The following ADA variants were observed in gnomAD, a reference collection of about 807,000 sequenced individuals.
ADA encodes adenosine aminohydrolase.
In ADA, 45 loss-of-function variants were observed where a neutral mutation model predicts 49.0. The observed-to-expected ratio is 0.92, with a 90% CI of 0.72 to 1.18. The LOEUF (loss-of-function observed/expected upper bound fraction) is 1.18, where lower values mean the gene tolerates loss of function less well. ADA is among the 50% of genes most tolerant of loss of function. The pLI is 0.00. For synonymous variants in ADA, 173 were observed against 184.2 expected, an observed-to-expected ratio of 0.94 and a Z score of 0.49; for missense variants, 445 against 472.5, an observed-to-expected ratio of 0.94 and a Z score of 0.54.
intron 2 of ADA, among the ~76,000 whole-genome samples, chr20:44,633,193 C>T (rs756791903): frequency 3.3e-5 from 5 of 152,194 alleles, no homozygotes; most frequent in Admixed American, 1.3e-4. Context: ...CAGGCAGGAG[C>T]GCTCCCCTCT....
chr20:44,640,760 G>C (rs145460408), intron 1 of ADA, among the ~76,000 whole-genome samples: 1 of 151,982 alleles, frequency 6.6e-6, no homozygotes, highest in East Asian at 1.9e-4. Flanking sequence ...TTGGGCCCTA[G>C]ATGCAATCAC....
chr20:44,620,009 G>A (rs2065312649), intron 11 of ADA, among the ~76,000 whole-genome samples, 162 bp from the exon 12 acceptor site: 1 of 152,192 alleles, frequency 6.6e-6, no homozygotes, highest in Non-Finnish European at 1.5e-5. Context: ...ACAGGCCTGG[G>A]CCCCTCTCCC....
At chr20:44,638,313 C>T (rs1276949779) in intron 1 of ADA, among the ~76,000 whole-genome samples, 1 of 152,212 alleles carries the variant, frequency 6.6e-6, no homozygotes, top group Non-Finnish European at 1.5e-5. Flanking sequence ...TGGGGGCTCA[C>T]GCCTGTAATC....
intron 2 of ADA, among the ~76,000 whole-genome samples, chr20:44,633,773 T>C (rs2065454838): frequency 6.6e-6 from 1 of 152,114 alleles, no homozygotes; most frequent in Admixed American, 6.5e-5. Context: ...GAGAGGCCCC[T>C]GAAAAGGCCA....
chr20:44,629,162 C>T lies in ADA; in HGVS notation c.103G>A (p.Gly35Arg), dbSNP rs376909062. 6.2e-7 allele frequency: 1 copy of T among 1,614,214 alleles called. No homozygotes were observed. Among genetic ancestry groups the T allele is most frequent in the Admixed American group, 1.7e-5 (1 of 60,028 alleles). ...GCTGTGTTAGCTGGGAGGGCGATCC[C>T]TCTCCTCCTGGAAACAAAACAGTGA... ...ETILYYGRRR[G>R]IALPANTAEG... The change falls in exon 3 of 12, where the codon GGG becomes AGG. Residue 35 changes from glycine to arginine, a missense_variant. By Grantham distance (125) the Gly-to-Arg change is moderately radical (BLOSUM62 -2). Transcript: ENST00000372874.
intron 1 of ADA, among the ~76,000 whole-genome samples, chr20:44,648,520 G>A (rs965500495): frequency 1.3e-5 from 2 of 152,008 alleles, no homozygotes; most frequent in Admixed American, 6.5e-5. Context: ...GGTGGAGATG[G>A]TTGGGAGAAG....
chr20:44,635,844 G>A (rs1184428920), intron 2 of ADA, among the ~76,000 whole-genome samples: 1 of 152,020 alleles, frequency 6.6e-6, no homozygotes, highest in Admixed American at 6.6e-5. Context: ...GTTGCAGTGA[G>A]CCGAGATCAT....
At chr20:44,651,113 C>T (rs896567262) in intron 1 of ADA, among the ~76,000 whole-genome samples, 4 of 152,212 alleles carry the variant, frequency 2.6e-5, no homozygotes, top group African/African-American at 7.2e-5. Context: ...GGCGCATCCA[C>T]AAACCTGAGC....
chr20:44,636,426 G>A, intron 1 of ADA, 138 bp from the exon 2 acceptor site: 1 of 740,556 alleles, frequency 1.4e-6, no homozygotes. Context: ...GCTGGCTGCT[G>A]ACCCCATATA....
intron 1 of ADA, among the ~76,000 whole-genome samples, chr20:44,650,332 C>T (rs923854162): frequency 1.3e-5 from 2 of 152,234 alleles, no homozygotes; most frequent in Non-Finnish European, 2.9e-5. Context: ...TCTCCACAGC[C>T]TGTCTCCCTC....
chr20:44,625,033 G>C (rs1050695279), intron 5 of ADA, among the ~76,000 whole-genome samples: 1 of 152,238 alleles, frequency 6.6e-6, no homozygotes, highest in Non-Finnish European at 1.5e-5. Flanking sequence ...GAGGAATGAA[G>C]TAAGTGTGAT....
At chr20:44,632,664 C>T (rs2065444406) in intron 2 of ADA, among the ~76,000 whole-genome samples, 1 of 152,172 alleles carries the variant, frequency 6.6e-6, no homozygotes, top group Admixed American at 6.5e-5. Flanking sequence ...CAAGCGAAGG[C>T]TCCTCATAGG....
At chr20:44,626,699 T>G in intron 3 of ADA, 100 bp from the exon 4 acceptor site, 1 of 1,458,390 alleles carries the variant, frequency 6.9e-7, no homozygotes, top group Non-Finnish European at 9.4e-7. Flanking sequence ...TAAACCCACT[T>G]CATCCCCCAG....
Position 44,631,335 on chromosome 20 carries a change from G to A in ADA, c.96-2166C>T, listed in dbSNP as rs1182554562. Among the ~76,000 whole-genome samples the A allele has an allele frequency of 4.6e-5, 7 of 152,096 alleles. No homozygotes were observed. The East Asian group carries it at 1.2e-3, about 25-fold the overall frequency. On this transcript the variant is annotated intron_variant, in intron 2 of 11. Transcript: ENST00000372874. ...GAGCCTGCAGGGGAACGGTGCCCTG[G>A]TGCGGCATTGGCACCTGGAGGTCGG...
At chr20:44,650,445 T>G (rs2065633528) in intron 1 of ADA, among the ~76,000 whole-genome samples, 1 of 152,038 alleles carries the variant, frequency 6.6e-6, no homozygotes, top group Non-Finnish European at 1.5e-5. Flanking sequence ...CTCTTTTTTT[T>G]GAGACAGGGT....
chr20:44,632,092 A>G (rs2065438976), intron 2 of ADA, among the ~76,000 whole-genome samples: 1 of 152,176 alleles, frequency 6.6e-6, no homozygotes, highest in South Asian at 2.1e-4. Context: ...ACAACCATCA[A>G]GAAGGAACTT....
intron 1 of ADA, among the ~76,000 whole-genome samples, chr20:44,638,616 G>C (rs1311406146): frequency 3.3e-5 from 5 of 152,136 alleles, no homozygotes; most frequent in African/African-American, 1.2e-4. Context: ...GTCAACGAAG[G>C]CCTGCGCTCC....
rs1431173182 is a variant in ADA at position 44,622,853 on chromosome 20, C to T, written c.756G>A (p.Leu252=). The change falls in exon 8 of 12, where the codon CTG becomes CTA. Residue 252 remains leucine, a synonymous_variant. Transcript: ENST00000372874. ...TLEDQALYNR[L]RQENMHFEIC... ...CCTCGAAGTGCATGTTTTCCTGCCG[C>T]AGCCTGTTATAAAGGGCCTGGTCTT... The T allele has an allele frequency of 1.9e-6, 3 of 1,614,110 alleles. No homozygotes were observed. The highest frequency in any genetic ancestry group is 1.7e-5 in the Admixed American group (1 of 60,014).
In ADA at chr20:44,625,591, C is replaced by G. The variant is rs2065374063; in HGVS notation, c.456G>C (p.Leu152=). The change falls in exon 5 of 12, where the codon CTG becomes CTC. Residue 152 remains leucine (L), a synonymous_variant. Coordinates refer to ENST00000372874, the MANE Select transcript of ADA (RefSeq NM_000022.4). ...CACTGGGCTGGTGGCGCATGCAGCA[C>G]AGGATGGACCGGGCCTTGACCCCGA... ...RDFGVKARSI[L]CCMRHQPNWS... 1.3e-6 allele frequency: 2 copies of G among 1,587,264 alleles called. No homozygotes were observed. Among genetic ancestry groups the G allele is most frequent in the South Asian group, 2.3e-5 (2 of 87,154 alleles).
Sources: allele counts gnomAD v4.1 joint callset (sites outside exome capture counted in the v4.1 genomes callset), GRCh38; gene constraint gnomAD v4.1.1; transcripts MANE v1.5; gene names NCBI Gene and HGNC (gene_info 2026-07-23, HGNC 2026-07-21).